TOX: variants seen among roughly 807,000 people sequenced by gnomAD.
The protein encoded by TOX is thymocyte selection-associated high mobility group box protein TOX.
In TOX, 11 loss-of-function variants were observed where a neutral mutation model predicts 53.7. That is an observed-to-expected ratio of 0.20 (90% CI 0.13 to 0.34). The LOEUF is 0.34. TOX is among the 10% of genes least tolerant of loss of function. TOX has a pLI of 1.00. For missense variants in TOX, 570 were observed against 664.6 expected, an observed-to-expected ratio of 0.86 and a Z score of 1.56; for synonymous variants, 225 against 245.3, an observed-to-expected ratio of 0.92 and a Z score of 0.77.
chr8:58,914,846 C>T (rs988581051), intron 3 of TOX, among the ~76,000 whole-genome samples: 2 of 151,784 alleles, frequency 1.3e-5, no homozygotes, highest in South Asian at 2.1e-4. Context: ...TGTGTGCGCG[C>T]ACCGTGCGCG....
In TOX at chr8:58,851,379, T is replaced by C. The variant is rs776513333; in HGVS notation, c.693+145A>G. 831 of 886,316 alleles carry C rather than the reference T, an allele frequency of 9.4e-4. 4 individuals are homozygous for C. The highest frequency in any genetic ancestry group is 7.5e-3 in the Middle Eastern group (21 of 2,800). The allele number at this position is 886,316 out of a possible 1,614,324, so 54.9% of individuals were successfully genotyped here. On this transcript the variant is annotated intron_variant, in intron 4 of 8. Coordinates refer to ENST00000361421, the MANE Select transcript of TOX (RefSeq NM_014729.3). This position sits in a 1 kb window ranked among gnomAD's most constrained non-coding sequence, Gnocchi z 4.4. ...GACAAGCAGGTGGTTTAATCCAGTATGTTTGTAACCTCATGCTTCATTAAC... is the reference window on the plus strand; with the variant it reads ...GACAAGCAGGTGGTTTAATCCAGTACGTTTGTAACCTCATGCTTCATTAAC...
At chr8:58,953,205 T>C (rs976118766) in intron 2 of TOX, among the ~76,000 whole-genome samples, 8 of 152,060 alleles carry the variant, frequency 5.3e-5, no homozygotes, top group African/African-American at 1.9e-4. Context: ...GCCAACAAAA[T>C]AAGCAGAAAG....
chr8:58,863,753 T>TAA (rs10634870), intron 3 of TOX, among the ~76,000 whole-genome samples: 51,997 of 151,870 alleles, frequency 0.34, 8,963 homozygotes, highest in South Asian at 0.4. Context: ...ACTGAACACT[T>TAA]ACTCTGTGCC....
intron 1 of TOX, among the ~76,000 whole-genome samples, chr8:59,061,467 A>G (rs1194548452): frequency 6.6e-6 from 1 of 152,236 alleles, no homozygotes; most frequent in African/African-American, 2.4e-5. Flanking sequence ...GTAATTACCT[A>G]GTATTTTTTT....
At chr8:58,949,124 T>C (rs1283624875) in intron 2 of TOX, among the ~76,000 whole-genome samples, 1 of 152,180 alleles carries the variant, frequency 6.6e-6, no homozygotes, top group Non-Finnish European at 1.5e-5. Context: ...ATTAAGGATA[T>C]ATCAGGATTA....
At chr8:58,827,865 G>A (rs1382276529) in intron 5 of TOX, among the ~76,000 whole-genome samples, 1 of 152,056 alleles carries the variant, frequency 6.6e-6, no homozygotes, top group Non-Finnish European at 1.5e-5. Context: ...TATATTTTTT[G>A]GCAATCTTTT....
At chr8:58,895,844 T>G (rs1263947852) in intron 3 of TOX, among the ~76,000 whole-genome samples, 1 of 152,160 alleles carries the variant, frequency 6.6e-6, no homozygotes, top group Non-Finnish European at 1.5e-5. Flanking sequence ...TTTCTCTGTC[T>G]ACAAAAATGG....
intron 2 of TOX, among the ~76,000 whole-genome samples, chr8:58,947,980 GC>G (rs1344220636): frequency 6.6e-6 from 1 of 152,210 alleles, no homozygotes; most frequent in Non-Finnish European, 1.5e-5. Flanking sequence ...ACCAATCAAA[GC>G]AAACTTCAGG....
At chr8:58,849,047 A>T (rs1201845665) in intron 4 of TOX, among the ~76,000 whole-genome samples, 1 of 152,138 alleles carries the variant, frequency 6.6e-6, no homozygotes, top group Non-Finnish European at 1.5e-5. Context: ...CTACTCACAT[A>T]TAAAGGAAAA....
intron 1 of TOX, among the ~76,000 whole-genome samples, chr8:59,013,472 G>A (rs1161865252): frequency 6.6e-6 from 1 of 150,584 alleles, no homozygotes; most frequent in Non-Finnish European, 1.5e-5. Flanking sequence ...GTGCAGTGGC[G>A]CGATCTCGGC....
chr8:59,014,526 T>A (rs991290937), intron 1 of TOX, among the ~76,000 whole-genome samples: 1 of 152,210 alleles, frequency 6.6e-6, no homozygotes, highest in African/African-American at 2.4e-5. Context: ...AAGCTTCCTA[T>A]CGGCAGACAA....
chr8:58,972,445 G>A lies in TOX; in HGVS notation c.103-12437C>T, dbSNP rs1330562218. On this transcript the variant is annotated intron_variant, in intron 1 of 8. Coordinates refer to ENST00000361421, the MANE Select transcript of TOX (RefSeq NM_014729.3). ...TAAAATTGCTTCGGGCTAATTTATTGTCATAAAAGAAAGATATCAGACAGT... is the reference window on the plus strand; with the variant it reads ...TAAAATTGCTTCGGGCTAATTTATTATCATAAAAGAAAGATATCAGACAGT... 5.9e-5 allele frequency among the ~76,000 whole-genome samples: 9 copies of A among 152,056 alleles called. No individual in the cohort carries two copies. The East Asian group carries it at 1.5e-3, about 26-fold the overall frequency.
At chr8:59,092,839 C>T (rs1270447297) in intron 1 of TOX, among the ~76,000 whole-genome samples, 1 of 152,138 alleles carries the variant, frequency 6.6e-6, no homozygotes, top group Non-Finnish European at 1.5e-5. Context: ...GTCTCTCTTT[C>T]TAGACAGTGT....
intron 3 of TOX, among the ~76,000 whole-genome samples, chr8:58,918,978 C>A (rs368309554): frequency 1.3e-5 from 2 of 149,860 alleles, no homozygotes; most frequent in African/African-American, 2.5e-5. Context: ...GAATAAAATA[C>A]CTAGGAATCC....
In TOX at chr8:58,872,761, A is replaced by G. The variant is rs966111777; in HGVS notation, c.412-20956T>C. Reference sequence around the variant, plus strand: ...AAACTGCCTCAACTGAGAAGAGTCTACTAAGACATGAGGACTAAACGTAAT... The same window carrying G: ...AAACTGCCTCAACTGAGAAGAGTCTGCTAAGACATGAGGACTAAACGTAAT... On this transcript the variant is annotated intron_variant, in intron 3 of 8. Coordinates refer to ENST00000361421, the MANE Select transcript of TOX (RefSeq NM_014729.3). Among the ~76,000 whole-genome samples the G allele has an allele frequency of 5.9e-5, 9 of 152,176 alleles. No homozygotes were observed. In the East Asian group the frequency reaches 1.3e-3, roughly 23 times the overall value.
intron 1 of TOX, among the ~76,000 whole-genome samples, chr8:58,965,894 GTTTTTTTTTT>G (rs67045037): frequency 4.0e-5 from 2 of 49,630 alleles, no homozygotes; most frequent in East Asian, 8.1e-4. Context: ...ACGAGTCATC[GTTTTTTTTTT>G]TTTTTTTTTT....
intron 3 of TOX, among the ~76,000 whole-genome samples, chr8:58,875,669 G>A (rs1811270441): frequency 6.6e-6 from 1 of 152,118 alleles, no homozygotes; most frequent in African/African-American, 2.4e-5. Context: ...ATATTCCTTG[G>A]CAATTGGTTT....
intron 1 of TOX, among the ~76,000 whole-genome samples, chr8:59,018,579 G>A (rs573250953): frequency 1.3e-5 from 2 of 152,120 alleles, no homozygotes; most frequent in East Asian, 1.9e-4. Context: ...CGAGTCACAC[G>A]GAAGGATTCT....
At chr8:58,838,699 C>CTT (rs35347981) in intron 4 of TOX, among the ~76,000 whole-genome samples, 1,086 of 88,816 alleles carry the variant, frequency 0.012, 89 homozygotes, top group African/African-American at 0.021. Flanking sequence ...TTATCCTTGT[C>CTT]TTTTTTTTTT....
Sources: allele counts gnomAD v4.1 joint callset (sites outside exome capture counted in the v4.1 genomes callset), GRCh38; gene constraint gnomAD v4.1.1; non-coding constraint Gnocchi (gnomAD v3.1); transcripts MANE v1.5; gene names NCBI Gene and HGNC (gene_info 2026-07-23, HGNC 2026-07-21).